SRRM4: variants seen among roughly 807,000 people sequenced by gnomAD.
SRRM4 encodes serine/arginine repetitive matrix protein 4.
SRRM4 carries 33 observed loss-of-function variants against 68.9 expected under a neutral mutation model. The ratio of observed to expected loss-of-function variants is 0.48; its 90% CI spans 0.36 to 0.64. The LOEUF (loss-of-function observed/expected upper bound fraction) is 0.64, where lower values mean the gene tolerates loss of function less well. SRRM4 is among the 30% of genes least tolerant of loss of function. The pLI is 0.00. For missense variants in SRRM4, 817 were observed against 827.1 expected (o/e 0.99, Z 0.15); for synonymous variants, 318 against 318.8 (o/e 1.00, Z 0.03).
chr12:119,153,616 G>T lies in SRRM4; in HGVS notation c.1358G>T (p.Arg453Leu), dbSNP rs1954452927. The change falls in exon 11 of 13, where the codon CGC (arginine) becomes CTC (leucine). Residue 453 changes from arginine (R) to leucine (L), a missense_variant. By Grantham distance (102) the Arg-to-Leu change is moderately radical. Coordinates refer to ENST00000267260, the MANE Select transcript of SRRM4 (RefSeq NM_194286.4). ...SPPSRSSRSR[R>L]SPSYSRYSPS... ...CCCAGCAGAAGCTCTAGGTCCCGCC[G>T]CAGCCCTAGCTACTCCCGCTACAGC... 1 of 1,565,370 alleles carries T rather than the reference G, an allele frequency of 6.4e-7. No individual in the cohort carries two copies.
chr12:119,119,862 C>T (rs1318953950), intron 4 of SRRM4, among the ~76,000 whole-genome samples: 1 of 152,042 alleles, frequency 6.6e-6, no homozygotes, highest in African/African-American at 2.4e-5. Flanking sequence ...CTTATCCAGC[C>T]TCATCCAGGA....
chr12:119,005,243 C>T (rs1279801502), intron 1 of SRRM4, among the ~76,000 whole-genome samples: 1 of 152,166 alleles, frequency 6.6e-6, no homozygotes, highest in Non-Finnish European at 1.5e-5. Context: ...TCTGTCAAAA[C>T]GGAAGGGGCC....
Position 118,981,967 on chromosome 12 carries a change from G to A in SRRM4, c.85G>A (p.Glu29Lys), listed in dbSNP as rs1337556127. 8 of 1,611,896 alleles carry A rather than the reference G, an allele frequency of 5.0e-6. No homozygotes were observed. The highest frequency in any genetic ancestry group is 6.8e-6 in the Non-Finnish European group (8 of 1,179,170). Residue 29 changes from glutamate (E) to lysine (K), a missense_variant, in exon 1 of 13, where the codon GAG becomes AAG. Transcript: ENST00000267260. The part of the protein sequence containing the change: ...TFKAVATPRP[E>K]SIIVASITAR... ...CAAAGCGGTGGCCACCCCCCGTCCC[G>A]AGAGCATCATTGTCGCCAGTATCAC...
At chr12:119,046,803 T>G (rs931379796) in intron 1 of SRRM4, among the ~76,000 whole-genome samples, 4 of 152,040 alleles carry the variant, frequency 2.6e-5, no homozygotes, top group African/African-American at 9.7e-5. Flanking sequence ...ATTTCACAGG[T>G]GTAAGGAAGC....
intron 1 of SRRM4, 32 bp downstream of exon 1, chr12:118,982,045 T>C: frequency 6.3e-7 from 1 of 1,587,884 alleles, no homozygotes; most frequent in Non-Finnish European, 8.6e-7. Context: ...GGGGGGATCC[T>C]GAAGGTCCTC....
intron 1 of SRRM4, among the ~76,000 whole-genome samples, chr12:119,005,996 T>C (rs772084607): frequency 1.3e-5 from 2 of 152,224 alleles, no homozygotes; most frequent in African/African-American, 4.8e-5. Context: ...TCATCTATTG[T>C]CCAGGAAGCT....
At chr12:119,043,178 G>A (rs1953680717) in intron 1 of SRRM4, among the ~76,000 whole-genome samples, 1 of 152,124 alleles carries the variant, frequency 6.6e-6, no homozygotes, top group South Asian at 2.1e-4. Context: ...AGCAAATGTG[G>A]TACATATACA....
chr12:119,079,932 G>A (rs1465484291), intron 1 of SRRM4, among the ~76,000 whole-genome samples: 1 of 151,606 alleles, frequency 6.6e-6, no homozygotes, highest in Non-Finnish European at 1.5e-5. Flanking sequence ...AATTAAGAAG[G>A]CATTGTGCCT....
intron 1 of SRRM4, among the ~76,000 whole-genome samples, chr12:119,038,150 A>G (rs954562464): frequency 7.2e-5 from 11 of 152,124 alleles, no homozygotes; most frequent in Admixed American, 3.3e-4. Context: ...CAACACAGAT[A>G]AGTAATCCTC....
At chr12:119,110,042 ACAGT>A (rs1462081365) in intron 2 of SRRM4, among the ~76,000 whole-genome samples, 1 of 152,148 alleles carries the variant, frequency 6.6e-6, no homozygotes, top group Non-Finnish European at 1.5e-5. Flanking sequence ...TTTCCTTCTA[ACAGT>A]CAGGACCCTC....
intron 1 of SRRM4, among the ~76,000 whole-genome samples, chr12:118,985,292 TAATA>T (rs1953274762): frequency 6.6e-6 from 1 of 152,216 alleles, no homozygotes; most frequent in Non-Finnish European, 1.5e-5. Flanking sequence ...GGGTTGGGGA[TAATA>T]AATAATTATC....
intron 1 of SRRM4, among the ~76,000 whole-genome samples, chr12:119,014,440 T>C (rs932597006): frequency 6.6e-6 from 1 of 152,024 alleles, no homozygotes; most frequent in African/African-American, 2.4e-5. Context: ...TGGAGAGCTA[T>C]GAGTCAGAAC....
intron 8 of SRRM4, among the ~76,000 whole-genome samples, chr12:119,136,897 C>T (rs982473791): frequency 6.6e-6 from 1 of 152,110 alleles, no homozygotes; most frequent in African/African-American, 2.4e-5. Context: ...TGCACAGCCC[C>T]ATGGGATAGC....
intron 1 of SRRM4, among the ~76,000 whole-genome samples, chr12:119,026,713 T>C (rs1186035537): frequency 2.0e-5 from 3 of 152,006 alleles, no homozygotes; most frequent in Non-Finnish European, 4.4e-5. Context: ...CTCACCCGGC[T>C]AATTTTTGTT....
intron 1 of SRRM4, among the ~76,000 whole-genome samples, chr12:118,997,723 G>A (rs1178681412): frequency 1.3e-5 from 2 of 152,196 alleles, no homozygotes; most frequent in East Asian, 1.9e-4. Flanking sequence ...TATAGAGAGA[G>A]GGAAAATATC....
chr12:119,102,650 T>C (rs1480756663), intron 2 of SRRM4, among the ~76,000 whole-genome samples: 1 of 152,148 alleles, frequency 6.6e-6, no homozygotes, highest in Non-Finnish European at 1.5e-5. Context: ...CCAATAAAAT[T>C]GTATTTATAA....
At chr12:119,076,684 C>T (rs1449298460) in intron 1 of SRRM4, among the ~76,000 whole-genome samples, 1 of 152,142 alleles carries the variant, frequency 6.6e-6, no homozygotes, top group African/African-American at 2.4e-5. Context: ...GAAATTCAAC[C>T]ACCCCAAGGA....
Position 119,156,577 on chromosome 12 carries a change from A to G in SRRM4, c.1615A>G (p.Ser539Gly), listed in dbSNP as rs966805551. The change falls in exon 13 of 13, where the codon AGC becomes GGC. Residue 539 changes from serine to glycine, a missense_variant. By Grantham distance (56) the Ser-to-Gly change is moderately conservative. Transcript: ENST00000267260. Reference sequence around the variant, plus strand: ...CAGCAGCACCTCCTCCTGGTACAGCAGCAGCAGTAGCCGCTCGGCCAGCCG... The same window carrying G: ...CAGCAGCACCTCCTCCTGGTACAGCGGCAGCAGTAGCCGCTCGGCCAGCCG... Reference protein sequence around the residue: ...SLSSTSSWYSSSSSRSASRSY... With the variant: ...SLSSTSSWYSGSSSRSASRSY... 2.7e-5 allele frequency: 43 copies of G among 1,610,698 alleles called. No homozygotes were observed. Among genetic ancestry groups the G allele is most frequent in the Non-Finnish European group, 3.6e-5 (43 of 1,179,666 alleles).
At chr12:119,023,889 T>C (rs1197602791) in intron 1 of SRRM4, among the ~76,000 whole-genome samples, 1 of 152,124 alleles carries the variant, frequency 6.6e-6, no homozygotes, top group Non-Finnish European at 1.5e-5. Context: ...AATATTTTAC[T>C]TACCCCTTCC....
Sources: gnomAD v4.1 joint callset for allele counts (sites outside exome capture counted in the v4.1 genomes callset) on GRCh38, gnomAD v4.1.1 for gene constraint, MANE v1.5 for transcripts, NCBI Gene and HGNC (gene_info 2026-07-23, HGNC 2026-07-21) for gene names.